The following SLC6A5 variants were observed in gnomAD, a reference collection of about 807,000 sequenced individuals.
The protein encoded by SLC6A5 is sodium- and chloride-dependent glycine transporter 2.
A neutral mutation model predicts 90.5 loss-of-function variants in SLC6A5; 58 were observed. The observed-to-expected ratio is 0.64, with a 90% CI of 0.52 to 0.80. The LOEUF (loss-of-function observed/expected upper bound fraction) is 0.80, where lower values mean the gene tolerates loss of function less well. SLC6A5 is among the 30% of genes least tolerant of loss of function. The pLI, the probability that SLC6A5 is intolerant of heterozygous loss-of-function variation, is 0.00. For synonymous variants in SLC6A5, 427 were observed against 401.4 expected, an observed-to-expected ratio of 1.06 and a Z score of -0.76; for missense variants, 1,015 against 1,017.6, an observed-to-expected ratio of 1.00 and a Z score of 0.03.
chr11:20,601,143 C>A lies in SLC6A5; in HGVS notation c.18C>A (p.Pro6=). The change falls in exon 2 of 16, where the codon CCC becomes CCA. Residue 6 remains proline, a synonymous_variant. Coordinates refer to ENST00000525748, the MANE Select transcript of SLC6A5 (RefSeq NM_004211.5). ...TGTGTTTGCAGGATTGCAGTGCTCC[C>A]AAGGAAATGAATAAACTGCCAGCCA... is the stretch of plus-strand genomic sequence containing the variant. MDCSA[P]KEMNKLPANS... 1 of 1,591,270 alleles carries A rather than the reference C, an allele frequency of 6.3e-7. No homozygotes were observed. The highest frequency in any genetic ancestry group is 8.5e-7 in the Non-Finnish European group (1 of 1,176,448).
intron 13 of SLC6A5, among the ~76,000 whole-genome samples, chr11:20,641,703 C>G (rs1045981477): frequency 6.6e-6 from 1 of 152,084 alleles, no homozygotes; most frequent in Non-Finnish European, 1.5e-5. Context: ...GAATGAGAGG[C>G]TTTAGCTCAT....
chr11:20,633,043 G>A (rs1853137170), intron 10 of SLC6A5, among the ~76,000 whole-genome samples: 2 of 152,096 alleles, frequency 1.3e-5, no homozygotes, highest in African/African-American at 2.4e-5. Flanking sequence ...CATAGGGAAG[G>A]GGGCATGTTC....
At chr11:20,630,466 G>A (rs1853087031) in intron 9 of SLC6A5, among the ~76,000 whole-genome samples, 1 of 152,384 alleles carries the variant, frequency 6.6e-6, no homozygotes, top group South Asian at 2.1e-4. Flanking sequence ...TGGAGTCAGA[G>A]CTTTGGCCCA....
At chr11:20,615,223 T>C (rs1320875499) in intron 6 of SLC6A5, among the ~76,000 whole-genome samples, 1 of 151,146 alleles carries the variant, frequency 6.6e-6, no homozygotes, top group Non-Finnish European at 1.5e-5. Context: ...TTTTTTTTCC[T>C]TTTTTTATAG....
At chr11:20,599,777 T>C in intron 1 of SLC6A5, 102 bp downstream of exon 1, 1 of 1,370,696 alleles carries the variant, frequency 7.3e-7, no homozygotes, top group Non-Finnish European at 1.0e-6. Context: ...GTGCATTGGG[T>C]GGGGGGAAAG....
At position 20,630,717 on chromosome 11, in the gene SLC6A5, A is replaced by G. The variant is rs121908497; in HGVS notation, c.1526A>G (p.Asn509Ser). 3 of 1,614,196 alleles carry G rather than the reference A, an allele frequency of 1.9e-6. No individual in the cohort carries two copies. Among genetic ancestry groups the G allele is most frequent in the Non-Finnish European group, 2.5e-6 (3 of 1,180,028 alleles). Residue 509 changes from asparagine to serine, a missense_variant, in exon 10 of 16, where the codon AAC becomes AGC. Physicochemically the swap from Asn to Ser is conservative, Grantham distance 46. This residue lies in a region of SLC6A5 where 442 missense variants were observed against 494.3 expected (regional missense o/e 0.89). Coordinates refer to ENST00000525748, the MANE Select transcript of SLC6A5 (RefSeq NM_004211.5). ...YRDTLIVTCT[N>S]SATSIFAGFV... is the part of the protein sequence containing the mutation. ...GACACTCTAATTGTCACCTGCACCA[A>G]CAGTGCCACAAGCATCTTTGCCGGC...
chr11:20,599,999 T>G (rs962997422), intron 1 of SLC6A5, among the ~76,000 whole-genome samples: 3 of 152,174 alleles, frequency 2.0e-5, no homozygotes, highest in African/African-American at 4.8e-5. Context: ...AGACAAATGC[T>G]GGCTGAAGCC....
At chr11:20,649,385 C>T (rs1853481072) in intron 14 of SLC6A5, among the ~76,000 whole-genome samples, 1 of 152,156 alleles carries the variant, frequency 6.6e-6, no homozygotes. Context: ...CAGGGTGTAC[C>T]TGACTCAGTG....
At chr11:20,649,741 G>A (rs1195347446) in intron 14 of SLC6A5, among the ~76,000 whole-genome samples, 2 of 152,098 alleles carry the variant, frequency 1.3e-5, no homozygotes, top group African/African-American at 4.8e-5. Flanking sequence ...GTCAGATCAC[G>A]TTACTGAGTT....
rs527326906 is a variant in SLC6A5, at chr11:20,601,220, C to A, written c.95C>A (p.Pro32His). ...AQGHPDGPCA[P>H]RTSPEQELPA... ...GGCCACCCGGATGGCCCATGCGCTC[C>A]CAGGACGAGCCCGGAGCAGGAGCTT... is the stretch of plus-strand genomic sequence containing the variant. Residue 32 changes from proline (P) to histidine (H), a missense_variant, in exon 2 of 16, where the codon CCC (proline) becomes CAC (histidine). Pro to His is a moderately conservative substitution (Grantham distance 77). Transcript: ENST00000525748. The A allele has an allele frequency of 2.5e-6, 4 of 1,582,538 alleles. No homozygotes were observed. Among genetic ancestry groups the A allele is most frequent in the Non-Finnish European group, 3.4e-6 (4 of 1,172,040 alleles).
intron 1 of SLC6A5, 55 bp from the exon 2 acceptor site, chr11:20,601,074 T>C: frequency 6.5e-7 from 1 of 1,531,146 alleles, no homozygotes; most frequent in South Asian, 1.2e-5. Flanking sequence ...TAGATACAGG[T>C]ATTTTAAAAG....
intron 11 of SLC6A5, among the ~76,000 whole-genome samples, 199 bp from the exon 12 acceptor site, chr11:20,636,973 C>G (rs987955186): frequency 2.6e-5 from 4 of 152,160 alleles, no homozygotes; most frequent in African/African-American, 9.7e-5. Context: ...ATTTTTAAAG[C>G]TCACATCCTG....
intron 5 of SLC6A5, among the ~76,000 whole-genome samples, chr11:20,609,455 A>G (rs1439166367): frequency 6.6e-6 from 1 of 152,090 alleles, no homozygotes; most frequent in African/African-American, 2.4e-5. Context: ...GTGACTTAGA[A>G]AAGTTGATGG....
chr11:20,658,300 C>T lies in SLC6A5; in HGVS notation c.*3432C>T, dbSNP rs950002632. 2 of 152,138 alleles carry T rather than the reference C, an allele frequency of 1.3e-5. No individual in the cohort carries two copies. The highest frequency in any genetic ancestry group is 4.8e-5 in the African/African-American group (2 of 41,408). The allele number at this position is 152,138 out of a possible 1,614,324, so 9.4% of individuals were successfully genotyped here. Reference sequence around the variant, plus strand: ...ATTGTCCTCTTCCCAGAGGCTAGCACAATAACTGTTGCTCAATGTAAGATG... The same window carrying T: ...ATTGTCCTCTTCCCAGAGGCTAGCATAATAACTGTTGCTCAATGTAAGATG... On this transcript the variant is annotated 3_prime_UTR_variant, in exon 16 of 16. Transcript: ENST00000525748.
At chr11:20,623,124 A>G (rs1231906332) in intron 7 of SLC6A5, among the ~76,000 whole-genome samples, 2 of 152,160 alleles carry the variant, frequency 1.3e-5, no homozygotes, top group African/African-American at 4.8e-5. Context: ...AAGTTCTTTG[A>G]GACAAGGAGG....
chr11:20,638,470 CAT>C lies in SLC6A5; in HGVS notation c.1882_1883del (p.Met628ValfsTer20). 1 of 1,610,138 alleles carries C rather than the reference CAT, an allele frequency of 6.2e-7. No homozygotes were observed. Reference protein sequence around the residue: ...FPMITQGGIYMFQLVDTYAAS... With the variant: ...FPMITQGGIYXFQLVDTYAAS... ...CTCTCTCCTGTTAGGGTGGAATTTA[CAT>C]GTTTCAGCTTGTGGACACCTATGCT... is the stretch of plus-strand genomic sequence containing the variant. On this transcript the variant is annotated frameshift_variant, in exon 13 of 16. Transcript: ENST00000525748. LOFTEE classifies it high-confidence loss of function.
At chr11:20,649,206 T>C (rs1565290117) in intron 14 of SLC6A5, among the ~76,000 whole-genome samples, 1 of 152,214 alleles carries the variant, frequency 6.6e-6, no homozygotes, top group Non-Finnish European at 1.5e-5. Context: ...GTTTCTAATA[T>C]AAATCTTATG....
At chr11:20,606,772 A>T (rs1430080705) in intron 3 of SLC6A5, among the ~76,000 whole-genome samples, 1 of 152,202 alleles carries the variant, frequency 6.6e-6, no homozygotes, top group Admixed American at 6.5e-5. Flanking sequence ...CTGCCAGTGG[A>T]GAGTTGAAAT....
Position 20,618,981 on chromosome 11 carries a change from A to ACACACAC in SLC6A5, c.1260+1097_1260+1098insCACACAC, listed in dbSNP as rs376434465. Among the ~76,000 whole-genome samples the ACACACAC allele has an allele frequency of 2.7e-3, 294 of 107,026 alleles. 2 individuals are homozygous for ACACACAC. The highest frequency in any genetic ancestry group is 0.011 in the Middle Eastern group (2 of 182). 70.2% of individuals were successfully genotyped at this position (107,026 alleles called of 152,430 possible). On this transcript the variant is annotated intron_variant, in intron 7 of 15. Transcript: ENST00000525748. Reference sequence around the variant, plus strand: ...ACACACACACACACACACACACACAAAGAAAAACCTACTGAAGAGTTAACC... The same window carrying ACACACAC: ...ACACACACACACACACACACACACAACACACACAGAAAAACCTACTGAAGAGTTAACC...
Sources: allele counts gnomAD v4.1 joint callset (sites outside exome capture counted in the v4.1 genomes callset), GRCh38; gene constraint gnomAD v4.1.1; regional missense constraint gnomAD v4.1.1; transcripts MANE v1.5; gene names NCBI Gene and HGNC (gene_info 2026-07-23, HGNC 2026-07-21).